Variants in ZIC5 observed in about 807,000 individuals in gnomAD.
ZIC5 encodes the protein Zic family zinc finger 5.
ZIC5 carries 20 observed loss-of-function variants against 28.5 expected under a neutral mutation model. That is an observed-to-expected ratio of 0.70 (90% CI 0.49 to 1.02). ZIC5 has a LOEUF of 1.02. Ranked by LOEUF, ZIC5 falls within the 50% of genes least tolerant of loss-of-function variation. The pLI is 0.00. For synonymous variants in ZIC5, 488 were observed against 410.4 expected, an observed-to-expected ratio of 1.19 and a Z score of -2.29; for missense variants, 951 against 899.7, an observed-to-expected ratio of 1.06 and a Z score of -0.73.
rs1306305426 is a variant in ZIC5, at chr13:99,970,686, C to G, written c.918G>C (p.Val306=). The G allele has an allele frequency of 6.7e-6, 8 of 1,188,232 alleles. No individual in the cohort carries two copies. The highest frequency in any genetic ancestry group is 1.7e-5 in the African/African-American group (1 of 59,862). The allele number at this position is 1,188,232 out of a possible 1,614,324, so 73.6% of individuals were successfully genotyped here. A position where few individuals can be genotyped will look rare whatever the true frequency, so the allele number is the denominator to read the frequency against. The change falls in exon 1 of 2, where the codon GTG becomes GTC. Residue 306 remains valine (V), a synonymous_variant. Transcript: ENST00000267294. The part of the protein sequence containing the change: ...AAAALHGYGA[V]NLNLNLAAAA... Reference sequence around the variant, plus strand: ...CAGCCGCCAGGTTCAGGTTTAAGTTCACGGCTCCGTAGCCGTGCAGGGCGG... The same window carrying G: ...CAGCCGCCAGGTTCAGGTTTAAGTTGACGGCTCCGTAGCCGTGCAGGGCGG...
Position 99,965,539 on chromosome 13 carries a change from G to T in ZIC5, c.1758C>A (p.Ser586=). 6.2e-7 allele frequency: 1 copy of T among 1,613,530 alleles called. No homozygotes were observed. Among genetic ancestry groups the T allele is most frequent in the Non-Finnish European group, 8.5e-7 (1 of 1,179,664 alleles). ...TGGTCACCTGAGGGGACAGAGTGCT[G>T]GAGTGACTCCTGGCTGGGTCCAGCA... ...SPVLDPARSH[S]STLSPQVTNL... The change falls in exon 2 of 2, where the codon TCC becomes TCA. Residue 586 remains serine, a synonymous_variant. Coordinates refer to ENST00000267294, the MANE Select transcript of ZIC5 (RefSeq NM_033132.5).
Position 99,971,537 on chromosome 13 carries a change from C to T in ZIC5, c.67G>A (p.Val23Ile), listed in dbSNP as rs1594285721. 3.9e-6 allele frequency: 6 copies of T among 1,552,166 alleles called. No individual in the cohort carries two copies. In the East Asian group the frequency reaches 1.5e-4, roughly 38 times the overall value. ...LRLADLATAQ[V>I]QPLQNMTGFP... Reference sequence around the variant, plus strand: ...CCTGTCATATTCTGAAGCGGCTGGACCTGAGCCGTTGCCAAATCCGCTAAT... The same window carrying T: ...CCTGTCATATTCTGAAGCGGCTGGATCTGAGCCGTTGCCAAATCCGCTAAT... Residue 23 changes from valine to isoleucine, a missense_variant, in exon 1 of 2, where the codon GTC becomes ATC. Val to Ile is a conservative substitution (Grantham distance 29). Coordinates refer to ENST00000267294, the MANE Select transcript of ZIC5 (RefSeq NM_033132.5).
In ZIC5 at chr13:99,965,038, T is replaced by C. The variant is rs542977217; in HGVS notation, c.*339A>G. ...ATATATATGTATATATATATATATATATATATTGCATCGGCAGTGTGTATC... is the reference window on the plus strand; with the variant it reads ...ATATATATGTATATATATATATATACATATATTGCATCGGCAGTGTGTATC... On this transcript the variant is annotated 3_prime_UTR_variant, in exon 2 of 2. Transcript: ENST00000267294. The C allele has an allele frequency of 2.0e-5, 3 of 147,728 alleles. No individual in the cohort carries two copies. The Admixed American group carries it at 2.0e-4, about 10-fold the overall frequency. The allele number at this position is 147,728 out of a possible 1,614,324, so 9.2% of individuals were successfully genotyped here.
rs769732967 is a variant in ZIC5 at position 99,970,269 on chromosome 13, G to T, written c.1335C>A (p.Gly445=). ...VCFWEDCPRE[G]KPFKAKYKLI... is the part of the protein sequence containing the mutation. Reference sequence around the variant, plus strand: ...GCTTGTATTTGGCCTTGAAGGGCTTGCCCTCGCGCGGACAGTCCTCCCAGA... The same window carrying T: ...GCTTGTATTTGGCCTTGAAGGGCTTTCCCTCGCGCGGACAGTCCTCCCAGA... Residue 445 remains glycine (G), a synonymous_variant, in exon 1 of 2, where the codon GGC becomes GGA. Coordinates refer to ENST00000267294, the MANE Select transcript of ZIC5 (RefSeq NM_033132.5). The T allele has an allele frequency of 6.2e-7, 1 of 1,613,934 alleles. No homozygotes were observed. Among genetic ancestry groups the T allele is most frequent in the Non-Finnish European group, 8.5e-7 (1 of 1,179,888 alleles).
rs1376985624 is a variant in ZIC5 at position 99,965,634 on chromosome 13, G to A, written c.1663C>T (p.Pro555Ser). ...RKHMKIHCKS[P>S]PPSPGPLGYS... Reference sequence around the variant, plus strand: ...CCAAGGGGTCCTGGAGAAGGTGGCGGGGACTTGCAGTGAATCTTCATGTGC... The same window carrying A: ...CCAAGGGGTCCTGGAGAAGGTGGCGAGGACTTGCAGTGAATCTTCATGTGC... The change falls in exon 2 of 2, where the codon CCG (proline) becomes TCG (serine). Residue 555 changes from proline (P) to serine (S), a missense_variant. Around this residue, in one of 3 missense-constraint regions of ZIC5, gnomAD observed 108 missense variants for 118.4 expected, o/e 0.91. Transcript: ENST00000267294. 2 of 1,614,182 alleles carry A rather than the reference G, an allele frequency of 1.2e-6. No individual in the cohort carries two copies. The highest frequency in any genetic ancestry group is 1.1e-5 in the South Asian group (1 of 91,072).
chr13:99,969,848 G>A (rs2053132779), intron 1 of ZIC5, among the ~76,000 whole-genome samples: 1 of 148,940 alleles, frequency 6.7e-6, no homozygotes, highest in Admixed American at 6.6e-5. Flanking sequence ...CGCGTTGCGG[G>A]TCCCGGCCGA....
In ZIC5 at chr13:99,970,413, TGGCGGC is replaced by T. The variant is rs71114653; in HGVS notation, c.1185_1190del (p.Pro399_Pro400del). Reference sequence around the variant, plus strand: ...GCTTGGCGCCGCCGGCCGGGGGCGGTGGCGGCGGCGGCGGCGGCGGCGGCGGCGGCG... The same window carrying T: ...GCTTGGCGCCGCCGGCCGGGGGCGGTGGCGGCGGCGGCGGCGGCGGCGGCG... On this transcript the variant is annotated inframe_deletion, in exon 1 of 2. Transcript: ENST00000267294. The T allele has an allele frequency of 7.8e-4, 861 of 1,098,634 alleles. 6 individuals carry two copies. The highest frequency in any genetic ancestry group is 2.0e-3 in the Middle Eastern group (6 of 2,952). The allele number at this position is 1,098,634 out of a possible 1,614,324, so 68.1% of individuals were successfully genotyped here.
In ZIC5 at chr13:99,971,397, G is replaced by C. The variant is rs780198065; in HGVS notation, c.207C>G (p.Pro69=). Reference sequence around the variant, plus strand: ...GCGTGCTCGCCTGGGCCATGTGCTCGGGTCCGAGCGGAGTGGTGGCCACGC... The same window carrying C: ...GCGTGCTCGCCTGGGCCATGTGCTCCGGTCCGAGCGGAGTGGTGGCCACGC... The part of the protein sequence containing the change: ...DPGVATTPLG[P]EHMAQASTLG... Residue 69 remains proline (P), a synonymous_variant, in exon 1 of 2, where the codon CCC becomes CCG. Coordinates refer to ENST00000267294, the MANE Select transcript of ZIC5 (RefSeq NM_033132.5). The C allele has an allele frequency of 6.6e-7, 1 of 1,513,074 alleles. No homozygotes were observed. Among genetic ancestry groups the C allele is most frequent in the Admixed American group, 2.2e-5 (1 of 45,968 alleles). 93.7% of individuals were successfully genotyped at this position (1,513,074 alleles called of 1,614,324 possible).
intron 1 of ZIC5, among the ~76,000 whole-genome samples, chr13:99,968,595 G>A (rs1050282374): frequency 1.2e-4 from 18 of 152,090 alleles, no homozygotes; most frequent in Non-Finnish European, 1.0e-4. Flanking sequence ...TGGGCAGGCG[G>A]GAAGGGCCCT....
chr13:99,963,725 T>C lies in ZIC5; in HGVS notation c.*1652A>G, dbSNP rs2053074335. On this transcript the variant is annotated 3_prime_UTR_variant, in exon 2 of 2. Transcript: ENST00000267294. ...CAATCTTTCACCAAAATGTATAATATAATTCTTTGGTGTGCTTTGAACTCT... is the reference window on the plus strand; with the variant it reads ...CAATCTTTCACCAAAATGTATAATACAATTCTTTGGTGTGCTTTGAACTCT... 1 of 150,480 alleles carries C rather than the reference T, an allele frequency of 6.6e-6. No individual in the cohort carries two copies. The highest frequency in any genetic ancestry group is 1.5e-5 in the Non-Finnish European group (1 of 67,628). 9.3% of individuals were successfully genotyped at this position (150,480 alleles called of 1,614,324 possible).
chr13:99,970,753 GA>G lies in ZIC5; in HGVS notation c.850del (p.Ser284LeufsTer23). The G allele has an allele frequency of 2.5e-6, 3 of 1,184,440 alleles. No homozygotes were observed. Among genetic ancestry groups the G allele is most frequent in the Non-Finnish European group, 3.1e-6 (3 of 958,248 alleles). The allele number at this position is 1,184,440 out of a possible 1,614,324, so 73.4% of individuals were successfully genotyped here. ...AACCGCCCCGTAGTGCGCGTCCCCA[GA>G]GCGCGGCGCGAAGGGCGGTTCGGCG... ...GRAEPPFAPR[S>X]GDAHYGAVAA... On this transcript the variant is annotated frameshift_variant, in exon 1 of 2. Coordinates refer to ENST00000267294, the MANE Select transcript of ZIC5 (RefSeq NM_033132.5). LOFTEE classifies it high-confidence loss of function.
At position 99,964,488 on chromosome 13, in the gene ZIC5, TA is replaced by T. The variant is rs35809370; in HGVS notation, c.*888del. 0.69 allele frequency: 101,612 copies of T among 147,846 alleles called. 36,118 individuals carry two copies. The highest frequency in any genetic ancestry group is 0.88 in the African/African-American group (35,734 of 40,584). 9.2% of individuals were successfully genotyped at this position (147,846 alleles called of 1,614,324 possible). On this transcript the variant is annotated 3_prime_UTR_variant, in exon 2 of 2. Transcript: ENST00000267294. ...AGGAGGCAGTATCTGAGAATTCAGA[TA>T]AAAAAAAAAAAACATATAGGAAAAA...
Position 99,970,939 on chromosome 13 carries a change from C to A in ZIC5, c.665G>T (p.Gly222Val). Residue 222 changes from glycine to valine, a missense_variant, in exon 1 of 2, where the codon GGC becomes GTC. Transcript: ENST00000267294. ...HSAGMFISAS[G>V]TYAGPDGSGG... ...GCTGCCGTCCGGGCCCGCGTAGGTG[C>A]CGCTGGCGGAGATGAACATGCCGGC... 1 of 1,390,752 alleles carries A rather than the reference C, an allele frequency of 7.2e-7. No individual in the cohort carries two copies. Among genetic ancestry groups the A allele is most frequent in the East Asian group, 3.1e-5 (1 of 32,414 alleles). 86.2% of individuals were successfully genotyped at this position (1,390,752 alleles called of 1,614,324 possible). A position where few individuals can be genotyped will look rare whatever the true frequency, so the allele number is the denominator to read the frequency against.
Position 99,971,146 on chromosome 13 carries a change from C to T in ZIC5, c.458G>A (p.Gly153Asp), listed in dbSNP as rs747498058. The T allele has an allele frequency of 1.8e-5, 25 of 1,396,332 alleles. No individual in the cohort carries two copies. Among genetic ancestry groups the T allele is most frequent in the Non-Finnish European group, 2.2e-5 (24 of 1,083,354 alleles). 86.5% of individuals were successfully genotyped at this position (1,396,332 alleles called of 1,614,324 possible). Residue 153 changes from glycine (G) to aspartate (D), a missense_variant, in exon 1 of 2, where the codon GGC becomes GAC. Gly to Asp is a moderately conservative substitution (Grantham distance 94). Around this residue, in one of 3 missense-constraint regions of ZIC5, gnomAD observed 784 missense variants for 660.1 expected, o/e 1.19. Transcript: ENST00000267294. ...PPPPPPPALS[G>D]YTTTNSGGGG... ...GCCGCCACTGTTGGTGGTGGTGTAG[C>T]CCGAGAGGGCAGGAGGAGGAGGAGG... is the stretch of plus-strand genomic sequence containing the variant.
rs2053148875 is a variant in ZIC5 at position 99,970,782 on chromosome 13, G to A, written c.822C>T (p.Gly274=). Residue 274 remains glycine (G), a synonymous_variant, in exon 1 of 2, where the codon GGC becomes GGT. Coordinates refer to ENST00000267294, the MANE Select transcript of ZIC5 (RefSeq NM_033132.5). ...GCGGCGCGAAGGGCGGTTCGGCGCG[G>A]CCGTACAGCTCAGCCGCCGCGGCTG... ...AAAAAAAELY[G]RAEPPFAPRS... 5.0e-6 allele frequency: 6 copies of A among 1,191,564 alleles called. No homozygotes were observed. Among genetic ancestry groups the A allele is most frequent in the African/African-American group, 4.9e-5 (3 of 61,638 alleles). The allele number at this position is 1,191,564 out of a possible 1,614,324, so 73.8% of individuals were successfully genotyped here. A position where few individuals can be genotyped will look rare whatever the true frequency, so the allele number is the denominator to read the frequency against.
rs912633798 is a variant in ZIC5, at chr13:99,970,624, A to C, written c.980T>G (p.Leu327Arg). 1.5e-5 allele frequency: 16 copies of C among 1,057,496 alleles called. No individual in the cohort carries two copies. In the African/African-American group the frequency reaches 2.6e-4, roughly 17 times the overall value. 65.5% of individuals were successfully genotyped at this position (1,057,496 alleles called of 1,614,324 possible). A position where few individuals can be genotyped will look rare whatever the true frequency, so the allele number is the denominator to read the frequency against. ...AAAAAGPGPH[L>R]QHHAPPPAPP... The stretch of plus-strand genomic sequence containing the variant: ...CGCCGGGGGCGGCGCGTGGTGCTGC[A>C]GGTGGGGCCCGGGCCCGGCCGCTGC... The change falls in exon 1 of 2, where the codon CTG becomes CGG. Residue 327 changes from leucine to arginine, a missense_variant. Physicochemically the swap from Leu to Arg is moderately radical, Grantham distance 102 (BLOSUM62 -2). This residue lies in a region of ZIC5 where 784 missense variants were observed against 660.1 expected (regional missense o/e 1.19). Coordinates refer to ENST00000267294, the MANE Select transcript of ZIC5 (RefSeq NM_033132.5).
chr13:99,969,017 G>A (rs941075863), intron 1 of ZIC5, among the ~76,000 whole-genome samples: 2 of 152,244 alleles, frequency 1.3e-5, no homozygotes, highest in African/African-American at 2.4e-5. Flanking sequence ...GTAAACTCCA[G>A]TTACTTAAGT....
intron 1 of ZIC5, among the ~76,000 whole-genome samples, chr13:99,968,546 C>G (rs2053119039): frequency 6.6e-6 from 1 of 152,062 alleles, no homozygotes; most frequent in African/African-American, 2.4e-5. Flanking sequence ...CCGCAGCTCC[C>G]GGCAGCCGCC....
In ZIC5 at chr13:99,965,039, A is replaced by ATG. The variant is rs1566395154; in HGVS notation, c.*337_*338insCA. On this transcript the variant is annotated 3_prime_UTR_variant, in exon 2 of 2. Transcript: ENST00000267294. ...TATATATGTATATATATATATATAT[A>ATG]TATATTGCATCGGCAGTGTGTATCG... 6.8e-6 allele frequency: 1 copy of ATG among 147,754 alleles called. No individual in the cohort carries two copies. The highest frequency in any genetic ancestry group is 1.9e-4 in the East Asian group (1 of 5,140). The allele number at this position is 147,754 out of a possible 1,614,324, so 9.2% of individuals were successfully genotyped here.
Sources: allele counts gnomAD v4.1 joint callset (sites outside exome capture counted in the v4.1 genomes callset), GRCh38; gene constraint gnomAD v4.1.1; regional missense constraint gnomAD v4.1.1; transcripts MANE v1.5; gene names NCBI Gene and HGNC (gene_info 2026-07-23, HGNC 2026-07-21).